The following LRRC3B variants were observed in gnomAD, a reference collection of about 807,000 sequenced individuals.
The protein encoded by LRRC3B is leucine-rich repeat-containing protein 3B.
A neutral mutation model predicts 12.8 loss-of-function variants in LRRC3B; 2 were observed. That is an observed-to-expected ratio of 0.16 (90% CI 0.06 to 0.49). LRRC3B has a LOEUF of 0.49. Ranked by LOEUF, LRRC3B falls within the 20% of genes least tolerant of loss-of-function variation. The pLI is 0.96. For synonymous variants in LRRC3B, 132 were observed against 122.0 expected (o/e 1.08, Z -0.54); for missense variants, 189 against 319.4 (o/e 0.59, Z 3.11).
intron 1 of LRRC3B, among the ~76,000 whole-genome samples, chr3:26,644,432 T>C (rs1344372169): frequency 6.6e-6 from 1 of 152,198 alleles, no homozygotes; most frequent in Non-Finnish European, 1.5e-5. Flanking sequence ...TCATACCTGG[T>C]ACTTAGAATG....
chr3:26,697,870 A>G (rs1700358118), intron 1 of LRRC3B, among the ~76,000 whole-genome samples: 1 of 152,154 alleles, frequency 6.6e-6, no homozygotes, highest in Non-Finnish European at 1.5e-5. Flanking sequence ...TGCCCACAAA[A>G]TGTTAGCCAC....
At chr3:26,646,819 G>A (rs1004307914) in intron 1 of LRRC3B, among the ~76,000 whole-genome samples, 2 of 152,036 alleles carry the variant, frequency 1.3e-5, no homozygotes, top group Admixed American at 1.3e-4. Context: ...AGGCAGTGTG[G>A]TATAGTGTCA....
intron 1 of LRRC3B, among the ~76,000 whole-genome samples, chr3:26,708,063 T>A (rs1700647532): frequency 6.6e-6 from 1 of 152,228 alleles, no homozygotes; most frequent in Non-Finnish European, 1.5e-5. Context: ...TTCTCTTCTG[T>A]GAGTTTGGTA....
chr3:26,673,438 G>C (rs900104163), intron 1 of LRRC3B, among the ~76,000 whole-genome samples: 2 of 152,174 alleles, frequency 1.3e-5, no homozygotes, highest in African/African-American at 4.8e-5. Flanking sequence ...CAATGAAAAT[G>C]TATTCATTTC....
chr3:26,693,847 G>A (rs1351800751), intron 1 of LRRC3B, among the ~76,000 whole-genome samples: 3 of 152,144 alleles, frequency 2.0e-5, no homozygotes, highest in Admixed American at 1.3e-4. Flanking sequence ...AAGAAAAGTG[G>A]TATCTGAAGA....
chr3:26,632,516 G>A (rs564965408), intron 1 of LRRC3B, among the ~76,000 whole-genome samples: 1 of 152,200 alleles, frequency 6.6e-6, no homozygotes, highest in East Asian at 1.9e-4. Context: ...TATCTCGGGC[G>A]ATGGCGAGAC....
At chr3:26,630,290 C>T (rs1223690246) in intron 1 of LRRC3B, among the ~76,000 whole-genome samples, 10 of 152,178 alleles carry the variant, frequency 6.6e-5, no homozygotes, top group Non-Finnish European at 1.3e-4. Flanking sequence ...ATCTCCAGGC[C>T]AAGGTCTTCT....
At position 26,637,756 on chromosome 3, in the gene LRRC3B, C is replaced by T. The variant is rs1698934836; in HGVS notation, c.-161+14519C>T. Among the ~76,000 whole-genome samples the T allele has an allele frequency of 2.6e-5, 4 of 151,752 alleles. No individual in the cohort carries two copies. The South Asian group carries it at 8.4e-4, about 32-fold the overall frequency. Reference sequence around the variant, plus strand: ...AATTTAAAAAAGTACATAGGATTACCAAGAGCAAGACAATAATAACACAAA... The same window carrying T: ...AATTTAAAAAAGTACATAGGATTACTAAGAGCAAGACAATAATAACACAAA... On this transcript the variant is annotated intron_variant, in intron 1 of 1. Coordinates refer to ENST00000396641, the Ensembl canonical transcript of LRRC3B.
chr3:26,659,526 A>G (rs1349600266), intron 1 of LRRC3B, among the ~76,000 whole-genome samples: 1 of 152,222 alleles, frequency 6.6e-6, no homozygotes, highest in African/African-American at 2.4e-5. Flanking sequence ...TTAAGAATTC[A>G]ATGGAAACTC....
chr3:26,658,700 G>C (rs937290011), intron 1 of LRRC3B, among the ~76,000 whole-genome samples: 1 of 152,252 alleles, frequency 6.6e-6, no homozygotes, highest in African/African-American at 2.4e-5. Flanking sequence ...ATTGCAATCA[G>C]GGGAAAGTGT....
intron 1 of LRRC3B, among the ~76,000 whole-genome samples, chr3:26,657,137 A>G (rs6551125): frequency 0.71 from 107,431 of 152,112 alleles, 38,537 homozygotes; most frequent in East Asian, 0.86. Context: ...ATATAATCAC[A>G]GCTTTCTGCT....
chr3:26,634,762 C>T (rs1423162954), intron 1 of LRRC3B, among the ~76,000 whole-genome samples: 2 of 152,168 alleles, frequency 1.3e-5, no homozygotes, highest in Non-Finnish European at 2.9e-5. Flanking sequence ...AATGATCAAA[C>T]CCTATAAAAG....
At chr3:26,634,411 T>A (rs1040877522) in intron 1 of LRRC3B, among the ~76,000 whole-genome samples, 1 of 152,206 alleles carries the variant, frequency 6.6e-6, no homozygotes, top group Non-Finnish European at 1.5e-5. Flanking sequence ...TAACAATAGA[T>A]GGGGGAAGAA....
chr3:26,648,391 T>C (rs1295746271), intron 1 of LRRC3B, among the ~76,000 whole-genome samples: 2 of 152,138 alleles, frequency 1.3e-5, no homozygotes, highest in East Asian at 3.9e-4. Context: ...AATAGTACTG[T>C]GCCTTTTTGT....
intron 1 of LRRC3B, among the ~76,000 whole-genome samples, chr3:26,661,601 T>C (rs73150416): frequency 0.073 from 11,159 of 152,166 alleles, 1,118 homozygotes; most frequent in African/African-American, 0.22. Flanking sequence ...TCACATCAAA[T>C]GGATATATTA....
intron 1 of LRRC3B, among the ~76,000 whole-genome samples, chr3:26,675,606 A>G (rs1399479489): frequency 1.3e-5 from 2 of 152,250 alleles, no homozygotes; most frequent in Non-Finnish European, 2.9e-5. Flanking sequence ...TATTGATTAA[A>G]AAATAAGTTA....
intron 1 of LRRC3B, among the ~76,000 whole-genome samples, chr3:26,678,362 C>T (rs754285069): frequency 2.0e-5 from 3 of 151,968 alleles, no homozygotes; most frequent in Non-Finnish European, 4.4e-5. Flanking sequence ...GGTGTGGTGG[C>T]ACATGCCTGT....
intron 1 of LRRC3B, among the ~76,000 whole-genome samples, chr3:26,699,250 G>T (rs1307865377): frequency 1.3e-5 from 2 of 152,036 alleles, no homozygotes; most frequent in Admixed American, 1.3e-4. Flanking sequence ...AAGACAGAAT[G>T]ATCTTATATT....
At chr3:26,646,613 A>G (rs1322316111) in intron 1 of LRRC3B, among the ~76,000 whole-genome samples, 1 of 61,650 alleles carries the variant, frequency 1.6e-5, no homozygotes, top group African/African-American at 4.2e-5. Flanking sequence ...AAAAAAAAAA[A>G]AAAAAAAAAA....
Sources: allele counts gnomAD v4.1 joint callset (sites outside exome capture counted in the v4.1 genomes callset), GRCh38; gene constraint gnomAD v4.1.1; transcripts MANE v1.5; gene names NCBI Gene and HGNC (gene_info 2026-07-23, HGNC 2026-07-21).